HELZ: variants seen among roughly 807,000 people sequenced by gnomAD.
HELZ encodes the protein helicase with zinc finger.
In HELZ, 23 loss-of-function variants were observed where a neutral mutation model predicts 218.2. The ratio of observed to expected loss-of-function variants is 0.11; its 90% CI spans 0.08 to 0.15. The LOEUF (loss-of-function observed/expected upper bound fraction) is 0.15. Among genes scored for constraint, HELZ ranks in the 10% least tolerant of loss-of-function variants. HELZ has a pLI of 1.00. For missense variants in HELZ, 1,813 were observed against 2,353.7 expected (o/e 0.77, Z 4.75); for synonymous variants, 814 against 829.4 (o/e 0.98, Z 0.32).
Position 67,151,190 on chromosome 17 carries a change from G to A in HELZ, c.2212C>T (p.His738Tyr), listed in dbSNP as rs771825160. Residue 738 changes from histidine (H) to tyrosine (Y), a missense_variant, in exon 18 of 33, where the codon CAC becomes TAC. Transcript: ENST00000358691. ...YFRNRWVKTV[H>Y]PVVHQYCLIS... The stretch of plus-strand genomic sequence containing the variant: ...AAACAGTACTGATGCACAACTGGGT[G>A]GACAGTCTTTACCCAGCGATTTCTG... 6.2e-7 allele frequency: 1 copy of A among 1,612,792 alleles called. No individual in the cohort carries two copies. The highest frequency in any genetic ancestry group is 8.5e-7 in the Non-Finnish European group (1 of 1,179,236).
rs947711092 is a variant in HELZ at position 67,122,377 on chromosome 17, C to A, written c.3630+593G>T. On this transcript the variant is annotated intron_variant, in intron 26 of 32. Coordinates refer to ENST00000358691, the MANE Select transcript of HELZ (RefSeq NM_014877.4). The stretch of plus-strand genomic sequence containing the variant: ...TGGCTAACATGGTGAAACCCCGCGT[C>A]TACTAAAAATACAAAAAAATTAGCC... 5.3e-5 allele frequency among the ~76,000 whole-genome samples: 8 copies of A among 152,284 alleles called. No homozygotes were observed. The South Asian group carries it at 1.2e-3, about 24-fold the overall frequency.
Position 67,070,790 on chromosome 17 carries a change from TA to T in HELZ, c.*7461del, listed in dbSNP as rs2035867575. 1 of 152,206 alleles carries T rather than the reference TA, an allele frequency of 6.6e-6. No homozygotes were observed. Among genetic ancestry groups the T allele is most frequent in the Non-Finnish European group, 1.5e-5 (1 of 68,046 alleles). The allele number at this position is 152,206 out of a possible 1,614,324, so 9.4% of individuals were successfully genotyped here. ...TTACTGCAAAGAAAAAAAATTGTTATAATTTTGCCATAAGTTATGCCTATTT... is the reference window on the plus strand; with the variant it reads ...TTACTGCAAAGAAAAAAAATTGTTATATTTTGCCATAAGTTATGCCTATTT... On this transcript the variant is annotated 3_prime_UTR_variant, in exon 33 of 33. Coordinates refer to ENST00000358691, the MANE Select transcript of HELZ (RefSeq NM_014877.4).
chr17:67,208,248 C>A (rs898016594), intron 5 of HELZ, among the ~76,000 whole-genome samples: 2 of 151,190 alleles, frequency 1.3e-5, no homozygotes, highest in African/African-American at 4.9e-5. Context: ...AGAAGTTTTT[C>A]AAAAAAAATT....
At position 67,076,979 on chromosome 17, in the gene HELZ, G is replaced by C. The variant is rs947163500; in HGVS notation, c.*1273C>G. Reference sequence around the variant, plus strand: ...TGTGACAAGACCATAAGTTTCAAGAGGGTAAACATCTTCCTTTGGATTTTA... The same window carrying C: ...TGTGACAAGACCATAAGTTTCAAGACGGTAAACATCTTCCTTTGGATTTTA... On this transcript the variant is annotated 3_prime_UTR_variant, in exon 33 of 33. Coordinates refer to ENST00000358691, the MANE Select transcript of HELZ (RefSeq NM_014877.4). The C allele has an allele frequency of 1.3e-5, 2 of 152,092 alleles. No homozygotes were observed. Among genetic ancestry groups the C allele is most frequent in the South Asian group, 2.1e-4 (1 of 4,814 alleles). 9.4% of individuals were successfully genotyped at this position (152,092 alleles called of 1,614,324 possible).
intron 17 of HELZ, among the ~76,000 whole-genome samples, chr17:67,158,727 G>A (rs978407239): frequency 1.3e-5 from 2 of 152,014 alleles, no homozygotes; most frequent in Non-Finnish European, 1.5e-5. Flanking sequence ...GGCGAGTCTC[G>A]ATACTTGGGC....
intron 5 of HELZ, among the ~76,000 whole-genome samples, chr17:67,204,436 G>A (rs1216712998): frequency 6.6e-6 from 1 of 152,078 alleles, no homozygotes; most frequent in African/African-American, 2.4e-5. Context: ...TGTAACTGAT[G>A]CCAACATGAC....
At chr17:67,233,227 CCT>C (rs1208463830) in intron 3 of HELZ, among the ~76,000 whole-genome samples, 1 of 152,130 alleles carries the variant, frequency 6.6e-6, no homozygotes, top group Non-Finnish European at 1.5e-5. Flanking sequence ...ATGGCATGCC[CCT>C]GTGATCCCAG....
In HELZ at chr17:67,074,108, A is replaced by C. The variant is rs777900490; in HGVS notation, c.*4144T>G. On this transcript the variant is annotated 3_prime_UTR_variant, in exon 33 of 33. Coordinates refer to ENST00000358691, the MANE Select transcript of HELZ (RefSeq NM_014877.4). ...AGAGTGGAGACAAATCAGATCCATTAAGACATTTATACCTTGAGATTCAGG... is the reference window on the plus strand; with the variant it reads ...AGAGTGGAGACAAATCAGATCCATTCAGACATTTATACCTTGAGATTCAGG... 12 of 152,200 alleles carry C rather than the reference A, an allele frequency of 7.9e-5. No homozygotes were observed. The highest frequency in any genetic ancestry group is 1.6e-4 in the Non-Finnish European group (11 of 68,012). 9.4% of individuals were successfully genotyped at this position (152,200 alleles called of 1,614,324 possible).
At chr17:67,179,138 G>GT (rs2039538302) in intron 12 of HELZ, among the ~76,000 whole-genome samples, 2 of 151,446 alleles carry the variant, frequency 1.3e-5, no homozygotes, top group Admixed American at 1.3e-4. Flanking sequence ...ATAAATCCAT[G>GT]TTTAAAAAAA....
At chr17:67,150,533 T>A (rs2038651332) in intron 18 of HELZ, among the ~76,000 whole-genome samples, 1 of 152,218 alleles carries the variant, frequency 6.6e-6, no homozygotes, top group Non-Finnish European at 1.5e-5. Context: ...TGATTTTACA[T>A]GGTTCCTGTA....
At position 67,188,147 on chromosome 17, in the gene HELZ, C is replaced by A. The variant is rs897066595; in HGVS notation, c.1162+172G>T. 1 of 602,510 alleles carries A rather than the reference C, an allele frequency of 1.7e-6. No individual in the cohort carries two copies. The highest frequency in any genetic ancestry group is 2.9e-5 in the East Asian group (1 of 33,988). The allele number at this position is 602,510 out of a possible 1,614,324, so 37.3% of individuals were successfully genotyped here. ...TGGTGGCTCTGTGAAGAAATCAGGG[C>A]ACAGTGTGAATCATTATAAGCCCAT... On this transcript the variant is annotated intron_variant, in intron 12 of 32. Coordinates refer to ENST00000358691, the MANE Select transcript of HELZ (RefSeq NM_014877.4). This position sits in a 1 kb window ranked among gnomAD's most constrained non-coding sequence, Gnocchi z 4.1.
At chr17:67,119,993 C>CTTTTCTTTTTTTT (rs2037551032) in intron 27 of HELZ, 1 of 139,248 alleles carries the variant, frequency 7.2e-6, no homozygotes, top group African/African-American at 6.9e-5. Flanking sequence ...TCTCCCTTTT[C>CTTTTCTTTTTTTT]TTTTTTTTTT....
chr17:67,078,182 T>C lies in HELZ; in HGVS notation c.*70A>G. The C allele has an allele frequency of 4.7e-6, 5 of 1,073,736 alleles. No individual in the cohort carries two copies. In the South Asian group the frequency reaches 6.8e-5, roughly 15 times the overall value. The allele number at this position is 1,073,736 out of a possible 1,614,324, so 66.5% of individuals were successfully genotyped here. A position where few individuals can be genotyped will look rare whatever the true frequency, so the allele number is the denominator to read the frequency against. ...GGGAACTGTGCATCTATAGATGAAG[T>C]CCAACTACCTTAATTCTACTGATAC... On this transcript the variant is annotated 3_prime_UTR_variant, in exon 33 of 33. Coordinates refer to ENST00000358691, the MANE Select transcript of HELZ (RefSeq NM_014877.4).
intron 32 of HELZ, among the ~76,000 whole-genome samples, chr17:67,081,895 GAAGAGCAGAGTGATCAGAAGACC>G (rs141152219): frequency 0.44 from 47,944 of 108,420 alleles, 8,562 homozygotes; most frequent in East Asian, 0.75. Context: ...AAAATACATA[GAAGAGCAGAGTGATCAGAAGACC>G]AAGAGCAGAG....
intron 13 of HELZ, among the ~76,000 whole-genome samples, chr17:67,168,807 T>C (rs180873770): frequency 1.3e-5 from 2 of 152,022 alleles, no homozygotes; most frequent in African/African-American, 4.8e-5. Context: ...TCAAGAAATA[T>C]GGAGCCGGAC....
chr17:67,196,540 G>A (rs2040032902), intron 7 of HELZ, among the ~76,000 whole-genome samples: 4 of 152,110 alleles, frequency 2.6e-5, no homozygotes, highest in Admixed American at 2.0e-4. Flanking sequence ...ATGAGTGGGT[G>A]GGTGGATAAA....
chr17:67,165,342 A>G (rs1432342574), intron 15 of HELZ, among the ~76,000 whole-genome samples: 1 of 152,148 alleles, frequency 6.6e-6, no homozygotes, highest in Non-Finnish European at 1.5e-5. Context: ...AGGGGAAGTG[A>G]TATATACCAC....
chr17:67,243,443 A>G (rs140185599), intron 2 of HELZ, among the ~76,000 whole-genome samples: 62 of 152,340 alleles, frequency 4.1e-4, no homozygotes, highest in African/African-American at 1.4e-3. Context: ...ACACCAAAAC[A>G]CAAATAAAAT....
intron 3 of HELZ, among the ~76,000 whole-genome samples, chr17:67,223,488 C>A (rs745555774): frequency 6.6e-6 from 1 of 152,144 alleles, no homozygotes; most frequent in South Asian, 2.1e-4. Context: ...TGGTGGCTCA[C>A]GCCTGTAATC....
Sources: allele counts gnomAD v4.1 joint callset (sites outside exome capture counted in the v4.1 genomes callset), GRCh38; gene constraint gnomAD v4.1.1; non-coding constraint Gnocchi (gnomAD v3.1); transcripts MANE v1.5; gene names NCBI Gene and HGNC (gene_info 2026-07-23, HGNC 2026-07-21).